Variants in NUTM2F observed in about 807,000 individuals in gnomAD.
NUTM2F encodes family with sequence similarity 22, member F.
Under a neutral mutation model 43.3 loss-of-function variants are expected in NUTM2F, and 22 were observed. The observed-to-expected ratio is 0.51, with a 90% CI of 0.36 to 0.73. The LOEUF is 0.73. Among genes scored for constraint, NUTM2F ranks in the 30% least tolerant of loss-of-function variants. The pLI, the probability that NUTM2F is intolerant of heterozygous loss-of-function variation, is 0.00. For missense variants in NUTM2F, 488 were observed against 927.4 expected (o/e 0.53, Z 6.15); for synonymous variants, 202 against 389.0 (o/e 0.52, Z 5.66).
intron 1 of NUTM2F, 33 bp downstream of exon 1, chr9:94,328,575 G>T: frequency 6.2e-7 from 1 of 1,613,900 alleles, no homozygotes; most frequent in East Asian, 2.2e-5. Context: ...AGGCAAGGCA[G>T]ACTCGGATAA....
chr9:94,325,324 G>A lies in NUTM2F; in HGVS notation c.627C>T (p.Asn209=). 9.7e-7 allele frequency: 1 copy of A among 1,028,366 alleles called. No individual in the cohort carries two copies. Among genetic ancestry groups the A allele is most frequent in the Non-Finnish European group, 1.4e-6 (1 of 734,886 alleles). 63.7% of individuals were successfully genotyped at this position (1,028,366 alleles called of 1,614,324 possible). ...DSCKPKSVYE[N]FRLWQHYKPL... ...GCTTGTAGTGCTGCCAGAGTCGGAA[G>A]TTCTCATAGACACTCTTGGGTTTAC... Residue 209 remains asparagine, a synonymous_variant, in exon 2 of 7, where the codon AAC becomes AAT. Coordinates refer to ENST00000253262, the MANE Select transcript of NUTM2F (RefSeq NM_017561.2).
intron 2 of NUTM2F, among the ~76,000 whole-genome samples, chr9:94,324,434 G>A (rs183935935): frequency 2.6e-5 from 4 of 151,490 alleles, no homozygotes; most frequent in African/African-American, 9.7e-5. Flanking sequence ...AGGCCGAGGC[G>A]GGCGAATCAC....
At position 94,318,948 on chromosome 9, in the gene NUTM2F, G is replaced by A; in HGVS notation, c.1788C>T (p.Pro596=). The A allele has an allele frequency of 6.2e-7, 1 of 1,611,660 alleles. No homozygotes were observed. Among genetic ancestry groups the A allele is most frequent in the Non-Finnish European group, 8.5e-7 (1 of 1,179,170 alleles). Residue 596 remains proline (P), a synonymous_variant, in exon 7 of 7, where the codon CCC becomes CCT. Coordinates refer to ENST00000253262, the MANE Select transcript of NUTM2F (RefSeq NM_017561.2). ...CGGGGCAGGTGGGTCTGTGGTCCTGGGGAGGAGAGGTTGGCCGGACAGCCT... is the reference window on the plus strand; with the variant it reads ...CGGGGCAGGTGGGTCTGTGGTCCTGAGGAGGAGAGGTTGGCCGGACAGCCT... ...RLKAVRPTSP[P]QDHRPTCPGL... is the part of the protein sequence containing the mutation.
Position 94,325,668 on chromosome 9 carries a change from G to C in NUTM2F, c.283C>G (p.Pro95Ala). The C allele has an allele frequency of 6.2e-7, 1 of 1,610,530 alleles. No individual in the cohort carries two copies. Among genetic ancestry groups the C allele is most frequent in the Non-Finnish European group, 8.5e-7 (1 of 1,179,594 alleles). ...MRTEVGPVKP[P>A]QAQTLILTQA... ...GTTAGGATCAAGGTCTGTGCCTGAG[G>C]GGGCTTCACAGGCCCCACTTCTGTC... The change falls in exon 2 of 7, where the codon CCT becomes GCT. Residue 95 changes from proline to alanine, a missense_variant. Coordinates refer to ENST00000253262, the MANE Select transcript of NUTM2F (RefSeq NM_017561.2).
rs1831351271 is a variant in NUTM2F, at chr9:94,320,707, A to C, written c.983-114T>G. ...AGTGGGTCCCAGCTGGGTCAGGACC[A>C]CCTGAACCACAGCGCCCCGGAGGAG... On this transcript the variant is annotated intron_variant, in intron 4 of 6. Transcript: ENST00000253262. This position sits in a 1 kb window ranked among gnomAD's most constrained non-coding sequence, Gnocchi z 4.5. 7.4e-7 allele frequency: 1 copy of C among 1,350,838 alleles called. No homozygotes were observed. Among genetic ancestry groups the C allele is most frequent in the African/African-American group, 1.5e-5 (1 of 68,774 alleles). 83.7% of individuals were successfully genotyped at this position (1,350,838 alleles called of 1,614,324 possible).
intron 3 of NUTM2F, 92 bp downstream of exon 3, chr9:94,322,109 G>C: frequency 1.9e-6 from 3 of 1,543,622 alleles, no homozygotes; most frequent in Non-Finnish European, 2.6e-6. Flanking sequence ...CCCTCCTCAT[G>C]CTCCATGCTG....
In NUTM2F at chr9:94,322,314, G is replaced by A. The variant is rs769057638; in HGVS notation, c.729C>T (p.Ser243=). The change falls in exon 3 of 7, where the codon TCC becomes TCT. Residue 243 remains serine (S), a synonymous_variant. Transcript: ENST00000253262. ...LSCFLIPVLR[S]LARRKPTMTL... ...TCATGGTGGGCTTCCGCCGGGCCAGGGATCGGAGAACTGGGCTGTAAACCA... is the reference window on the plus strand; with the variant it reads ...TCATGGTGGGCTTCCGCCGGGCCAGAGATCGGAGAACTGGGCTGTAAACCA... 1.2e-6 allele frequency: 2 copies of A among 1,611,924 alleles called. No individual in the cohort carries two copies. Among genetic ancestry groups the A allele is most frequent in the South Asian group, 2.2e-5 (2 of 90,982 alleles).
At chr9:94,328,397 AG>A (rs1831476302) in intron 1 of NUTM2F, among the ~76,000 whole-genome samples, 3 of 152,084 alleles carry the variant, frequency 2.0e-5, no homozygotes, top group South Asian at 2.1e-4. Context: ...GTATTCCCCC[AG>A]GCATCTTGGT....
intron 3 of NUTM2F, 102 bp from the exon 4 acceptor site, chr9:94,321,334 C>T (rs571707947): frequency 2.2e-5 from 33 of 1,522,080 alleles, no homozygotes; most frequent in Middle Eastern, 2.3e-4. Flanking sequence ...GTGCCTCCGG[C>T]GGGCTGTCCA....
rs780775742 is a variant in NUTM2F, at chr9:94,319,711, G to T, written c.1387C>A (p.Pro463Thr). 15 of 1,611,274 alleles carry T rather than the reference G, an allele frequency of 9.3e-6. No homozygotes were observed. The South Asian group carries it at 1.5e-4, about 17-fold the overall frequency. ...FVTKVEAVIHPRFLEELLSPD... is the reference protein window; with the variant it reads ...FVTKVEAVIHTRFLEELLSPD... ...GAAAGCAATTCTTCCAGGAATCGGG[G>T]GTGAATGACGGCCTCCACCTGGAAA... The change falls in exon 6 of 7, where the codon CCC (proline) becomes ACC (threonine). Residue 463 changes from proline (P) to threonine (T), a missense_variant. Transcript: ENST00000253262.
chr9:94,320,243 C>G lies in NUTM2F; in HGVS notation c.1333G>C (p.Asp445His), dbSNP rs567081063. The G allele has an allele frequency of 4.8e-5, 78 of 1,613,940 alleles. No individual in the cohort carries two copies. The highest frequency in any genetic ancestry group is 6.0e-5 in the Non-Finnish European group (71 of 1,179,862). ...TSDPGLLSYI[D>H]KLCSQEDFVT... The stretch of plus-strand genomic sequence containing the variant: ...AAGTCTTCCTGGGAACACAGCTTGT[C>G]AATGTAGCTCAGGAGGCCCGGGTCT... Residue 445 changes from aspartate to histidine, a missense_variant, in exon 5 of 7, where the codon GAC (aspartate) becomes CAC (histidine). Coordinates refer to ENST00000253262, the MANE Select transcript of NUTM2F (RefSeq NM_017561.2). The surrounding 1 kb of genome is among the most constrained non-coding windows in gnomAD (Gnocchi z 4.5).
At position 94,320,915 on chromosome 9, in the gene NUTM2F, C is replaced by T. The variant is rs1167223513; in HGVS notation, c.982+178G>A. ...CGGTCAATACCCTGCTTCGTGATCA[C>T]GGGCCACCCATGAAGTAGGTATTCA... is the stretch of plus-strand genomic sequence containing the variant. On this transcript the variant is annotated intron_variant, in intron 4 of 6. Coordinates refer to ENST00000253262, the MANE Select transcript of NUTM2F (RefSeq NM_017561.2). The surrounding 1 kb of genome is among the most constrained non-coding windows in gnomAD (Gnocchi z 4.5). Among the ~76,000 whole-genome samples the T allele has an allele frequency of 1.3e-5, 2 of 152,182 alleles. No individual in the cohort carries two copies. Among genetic ancestry groups the T allele is most frequent in the South Asian group, 2.1e-4 (1 of 4,832 alleles).
At position 94,325,816 on chromosome 9, in the gene NUTM2F, A is replaced by G; in HGVS notation, c.135T>C (p.Thr45=). ...GAGGGCCGGCTGGAGGAACCACTGC[A>G]GTCACGAGGGGCGGCCTGTGTGCTG... is the stretch of plus-strand genomic sequence containing the variant. The part of the protein sequence containing the change: ...PGPAHRPPLV[T]AVVPPAGPLV... Residue 45 remains threonine (T), a synonymous_variant, in exon 2 of 7, where the codon ACT becomes ACC. Transcript: ENST00000253262. The G allele has an allele frequency of 1.2e-6, 2 of 1,612,128 alleles. No individual in the cohort carries two copies. The highest frequency in any genetic ancestry group is 1.7e-6 in the Non-Finnish European group (2 of 1,179,844).
chr9:94,321,627 C>T (rs1252149477), intron 3 of NUTM2F, among the ~76,000 whole-genome samples: 2 of 145,334 alleles, frequency 1.4e-5, no homozygotes, highest in Non-Finnish European at 3.0e-5. Flanking sequence ...ACACGAGGCC[C>T]GGGAGACCCC....
chr9:94,319,476 C>CA, intron 6 of NUTM2F, 137 bp downstream of exon 6: 1 of 688,570 alleles, frequency 1.5e-6, no homozygotes, highest in Non-Finnish European at 2.6e-6. Context: ...TCTGAACCTG[C>CA]ATCTTCCCAC....
chr9:94,327,909 G>A (rs3802463), intron 1 of NUTM2F, among the ~76,000 whole-genome samples: 1 of 147,772 alleles, frequency 6.8e-6, no homozygotes, highest in African/African-American at 2.6e-5. Flanking sequence ...CCACCAAAGG[G>A]CAAACAATTC....
rs764646349 is a variant in NUTM2F at position 94,320,481 on chromosome 9, C to T, written c.1095G>A (p.Arg365=). The T allele has an allele frequency of 1.2e-6, 2 of 1,611,540 alleles. No homozygotes were observed. The highest frequency in any genetic ancestry group is 1.7e-6 in the Non-Finnish European group (2 of 1,179,510). The change falls in exon 5 of 7, where the codon AGG becomes AGA. Residue 365 remains arginine, a synonymous_variant. Transcript: ENST00000253262. This position sits in a 1 kb window ranked among gnomAD's most constrained non-coding sequence, Gnocchi z 4.5. ...GCAGGTGGGCGTTGGTCTCCGCTGGCCTCTGGGGCCTGGGTGGTGGCAGGT... is the reference window on the plus strand; with the variant it reads ...GCAGGTGGGCGTTGGTCTCCGCTGGTCTCTGGGGCCTGGGTGGTGGCAGGT... The part of the protein sequence containing the change: ...KAHLPPPRPQ[R]PAETNAHLPP...
intron 2 of NUTM2F, among the ~76,000 whole-genome samples, chr9:94,323,833 T>C (rs546282525): frequency 5.3e-5 from 8 of 152,288 alleles, no homozygotes; most frequent in African/African-American, 1.2e-4. Context: ...CCACCACCGC[T>C]GTGCTAACTG....
In NUTM2F at chr9:94,319,473, C is replaced by T. The variant is rs528817371; in HGVS notation, c.1485+140G>A. 9.6e-5 allele frequency: 64 copies of T among 667,576 alleles called. No individual in the cohort carries two copies. In the African/African-American group the frequency reaches 1.1e-3, roughly 11 times the overall value. The allele number at this position is 667,576 out of a possible 1,614,324, so 41.4% of individuals were successfully genotyped here. The stretch of plus-strand genomic sequence containing the variant: ...CCTCTCCATCCTACTCCCTCTGAAC[C>T]TGCATCTTCCCACCCCGGAGTGGCT... On this transcript the variant is annotated intron_variant, in intron 6 of 6. Coordinates refer to ENST00000253262, the MANE Select transcript of NUTM2F (RefSeq NM_017561.2).
Sources: gnomAD v4.1 joint callset for allele counts (sites outside exome capture counted in the v4.1 genomes callset) on GRCh38, gnomAD v4.1.1 for gene constraint, Gnocchi (gnomAD v3.1) non-coding constraint, MANE v1.5 for transcripts, NCBI Gene and HGNC (gene_info 2026-07-23, HGNC 2026-07-21) for gene names.